TMTC4: variants seen among roughly 807,000 people sequenced by gnomAD.
The protein encoded by TMTC4 is protein O-mannosyl-transferase TMTC4.
TMTC4 carries 65 observed loss-of-function variants against 86.0 expected under a neutral mutation model. That is an observed-to-expected ratio of 0.76 (90% CI 0.62 to 0.93). The LOEUF (loss-of-function observed/expected upper bound fraction) is 0.93, where lower values mean the gene tolerates loss of function less well. Among genes scored for constraint, TMTC4 ranks in the 40% least tolerant of loss-of-function variants. TMTC4 has a pLI of 0.00. For synonymous variants in TMTC4, 379 were observed against 382.5 expected (o/e 0.99, Z 0.11); for missense variants, 866 against 948.1 (o/e 0.91, Z 1.14).
rs35563246 is a variant in TMTC4 at position 100,656,542 on chromosome 13, C to CTTTTTTTTTTTTT, written c.553-87_553-75dup. ...GAAATCCTAAACTTAGGAGACATAA[C>CTTTTTTTTTTTTT]TTTTTTTTTTTTTTTTTTGCGACAG... On this transcript the variant is annotated intron_variant, in intron 5 of 18. Transcript: ENST00000342624. The CTTTTTTTTTTTTT allele has an allele frequency of 2.6e-3, 1,013 of 385,602 alleles. 13 individuals carry two copies. Among genetic ancestry groups the CTTTTTTTTTTTTT allele is most frequent in the South Asian group, 5.0e-3 (157 of 31,532 alleles). 23.9% of individuals were successfully genotyped at this position (385,602 alleles called of 1,614,324 possible). A position where few individuals can be genotyped will look rare whatever the true frequency, so the allele number is the denominator to read the frequency against.
Position 100,612,510 on chromosome 13 carries a change from C to G in TMTC4, c.1952G>C (p.Gly651Ala). Residue 651 changes from glycine (G) to alanine (A), a missense_variant and splice_region_variant, in exon 17 of 19, where the codon GGT becomes GCT. Gly to Ala is a moderately conservative substitution (Grantham distance 60). Coordinates refer to ENST00000342624, the MANE Select transcript of TMTC4 (RefSeq NM_032813.5). ...AACTGCTTCAGCTTGGGCTAAATTA[C>G]CTGGGAGTGAAAAATGGAAAAATAA... is the stretch of plus-strand genomic sequence containing the variant. ...NNMIILLDNT[G>A]NLAQAEAVGR... The G allele has an allele frequency of 6.2e-7, 1 of 1,606,412 alleles. No individual in the cohort carries two copies. The highest frequency in any genetic ancestry group is 1.1e-5 in the South Asian group (1 of 89,410).
At chr13:100,644,303 C>T (rs989133920) in intron 6 of TMTC4, among the ~76,000 whole-genome samples, 24 of 151,920 alleles carry the variant, frequency 1.6e-4, no homozygotes, top group African/African-American at 5.8e-4. Flanking sequence ...CGGGGTTTCA[C>T]CGTGTTAGCC....
intron 12 of TMTC4, among the ~76,000 whole-genome samples, chr13:100,628,858 G>T (rs556437290): frequency 2.6e-5 from 4 of 152,284 alleles, no homozygotes; most frequent in East Asian, 1.9e-4. Flanking sequence ...ACAATAAAAA[G>T]AATTTGTTGG....
chr13:100,617,467 C>A (rs1336639330), intron 15 of TMTC4, among the ~76,000 whole-genome samples: 2 of 152,120 alleles, frequency 1.3e-5, no homozygotes, highest in Non-Finnish European at 2.9e-5. Flanking sequence ...TGAGGTCTTG[C>A]ATTTAAATTT....
rs561570252 is a variant in TMTC4, at chr13:100,629,575, G to A, written c.1507-3425C>T. ...ATACACATTGATTACAGTGCTGGGGGAAGATGAGGGTGACTGCTCGAGGCA... is the reference window on the plus strand; with the variant it reads ...ATACACATTGATTACAGTGCTGGGGAAAGATGAGGGTGACTGCTCGAGGCA... On this transcript the variant is annotated intron_variant, in intron 12 of 18. Transcript: ENST00000342624. Among the ~76,000 whole-genome samples the A allele has an allele frequency of 2.6e-5, 4 of 152,274 alleles. No individual in the cohort carries two copies. The South Asian group carries it at 6.2e-4, about 24-fold the overall frequency.
intron 1 of TMTC4, among the ~76,000 whole-genome samples, chr13:100,672,949 T>C (rs1474939642): frequency 1.3e-5 from 2 of 152,124 alleles, no homozygotes; most frequent in East Asian, 1.9e-4. Flanking sequence ...GTTCACCTTA[T>C]GAAGCAACAA....
rs1051394857 is a variant in TMTC4 at position 100,604,454 on chromosome 13, C to T, written c.*540G>A. On this transcript the variant is annotated 3_prime_UTR_variant, in exon 19 of 19. Coordinates refer to ENST00000342624, the MANE Select transcript of TMTC4 (RefSeq NM_032813.5). ...TCCATTCCTCATTCGATTATTTGCC[C>T]TATTCAAAACATAAAAATACAAATA... is the stretch of plus-strand genomic sequence containing the variant. 1 of 152,056 alleles carries T rather than the reference C, an allele frequency of 6.6e-6. No individual in the cohort carries two copies. Among genetic ancestry groups the T allele is most frequent in the African/African-American group, 2.4e-5 (1 of 41,372 alleles). 9.4% of individuals were successfully genotyped at this position (152,056 alleles called of 1,614,324 possible). A position where few individuals can be genotyped will look rare whatever the true frequency, so the allele number is the denominator to read the frequency against.
chr13:100,618,451 CTTGT>C (rs1878871048), intron 15 of TMTC4, among the ~76,000 whole-genome samples: 3 of 82,438 alleles, frequency 3.6e-5, no homozygotes, highest in Admixed American at 1.1e-4. Context: ...TTTGTTGCTT[CTTGT>C]TTTTTTTTTT....
chr13:100,633,312 G>GAAAAAAAAAAAAAAAAAAAAAAAA (rs10523073), intron 12 of TMTC4, among the ~76,000 whole-genome samples: 1 of 79,572 alleles, frequency 1.3e-5, no homozygotes. Context: ...CCATCTCAGG[G>GAAAAAAAAAAAAAAAAAAAAAAAA]AAAAAAAAAA....
chr13:100,630,713 C>T (rs1247729364), intron 12 of TMTC4, among the ~76,000 whole-genome samples: 1 of 152,206 alleles, frequency 6.6e-6, no homozygotes, highest in Non-Finnish European at 1.5e-5. Flanking sequence ...CCCCAAGCTC[C>T]TGCTGTTTTC....
Position 100,605,126 on chromosome 13 carries a change from A to T in TMTC4, c.2151T>A (p.Arg717=), listed in dbSNP as rs61995746. 1.9e-6 allele frequency: 3 copies of T among 1,611,656 alleles called. No homozygotes were observed. Among genetic ancestry groups the T allele is most frequent in the Non-Finnish European group, 1.7e-6 (2 of 1,179,334 alleles). ...TCTTGGCCAAGTCTAGATGTCCCCA[A>T]CGATGATAAAGCACAGCTGAAATAG... The part of the protein sequence containing the change: ...YHGNLAVLYH[R]WGHLDLAKKH... Residue 717 remains arginine (R), a synonymous_variant, in exon 19 of 19, where the codon CGT becomes CGA. Transcript: ENST00000342624. The surrounding 1 kb of genome is among the most constrained non-coding windows in gnomAD (Gnocchi z 4.3).
chr13:100,626,216 C>T (rs1880507055), intron 12 of TMTC4, 66 bp from the exon 13 acceptor site: 2 of 1,480,408 alleles, frequency 1.4e-6, no homozygotes, highest in Admixed American at 1.7e-5. Flanking sequence ...GACCCCATCA[C>T]ATCTTCTAAC....
intron 15 of TMTC4, among the ~76,000 whole-genome samples, chr13:100,619,328 G>C (rs1459840562): frequency 1.4e-5 from 2 of 145,924 alleles, no homozygotes; most frequent in African/African-American, 5.1e-5. Context: ...AATAAAAGCA[G>C]ACACACACAC....
intron 1 of TMTC4, chr13:100,674,369 CG>C (rs1292767154): frequency 1.4e-5 from 14 of 971,978 alleles, no homozygotes; most frequent in Non-Finnish European, 1.7e-5. Flanking sequence ...ATGGCCGCTC[CG>C]GGGACGCGCC....
At chr13:100,650,000 A>G (rs1241815299) in intron 6 of TMTC4, among the ~76,000 whole-genome samples, 3 of 152,012 alleles carry the variant, frequency 2.0e-5, no homozygotes, top group Non-Finnish European at 4.4e-5. Flanking sequence ...GCATCTGAGG[A>G]CATCACTCTT....
At chr13:100,674,229 T>C in intron 1 of TMTC4, 1 of 979,206 alleles carries the variant, frequency 1.0e-6, no homozygotes, top group Non-Finnish European at 1.2e-6. Flanking sequence ...GAGCGTGGAG[T>C]AGCAGGCGCT....
intron 15 of TMTC4, chr13:100,615,053 G>A (rs1034141596): frequency 2.3e-5 from 11 of 471,964 alleles, no homozygotes; most frequent in Non-Finnish European, 3.0e-5. Context: ...AAACCTCTTG[G>A]CAATTTTGAG....
chr13:100,624,046 G>C lies in TMTC4; in HGVS notation c.1836+1489C>G, dbSNP rs547912884. 135 of 245,622 alleles carry C rather than the reference G, an allele frequency of 5.5e-4. 2 individuals carry two copies. The South Asian group carries it at 6.6e-3, about 12-fold the overall frequency. 15.2% of individuals were successfully genotyped at this position (245,622 alleles called of 1,614,324 possible). ...TTATCAATAGAAACACCACCTCCAG[G>C]CTGGGCATGGTGGCTCATGCCTGTA... is the stretch of plus-strand genomic sequence containing the variant. On this transcript the variant is annotated intron_variant, in intron 15 of 18. Transcript: ENST00000342624.
chr13:100,671,341 C>T (rs540675943), intron 1 of TMTC4, among the ~76,000 whole-genome samples: 17 of 152,234 alleles, frequency 1.1e-4, no homozygotes, highest in African/African-American at 4.1e-4. Context: ...ATTTCACAAA[C>T]GTTTGTCAAG....
Sources: allele counts gnomAD v4.1 joint callset (sites outside exome capture counted in the v4.1 genomes callset), GRCh38; gene constraint gnomAD v4.1.1; non-coding constraint Gnocchi (gnomAD v3.1); transcripts MANE v1.5; gene names NCBI Gene and HGNC (gene_info 2026-07-23, HGNC 2026-07-21).